Variants in INSR observed in about 807,000 individuals in gnomAD.
INSR encodes the protein IR.
INSR carries 67 observed loss-of-function variants against 142.6 expected under a neutral mutation model. The observed-to-expected ratio is 0.47, with a 90% CI of 0.39 to 0.58. The LOEUF is 0.58. Among genes scored for constraint, INSR ranks in the 20% least tolerant of loss-of-function variants. The pLI, the probability that INSR is intolerant of heterozygous loss-of-function variation, is 0.00. For synonymous variants in INSR, 756 were observed against 743.1 expected, an observed-to-expected ratio of 1.02 and a Z score of -0.28; for missense variants, 1,248 against 1,833.2, an observed-to-expected ratio of 0.68 and a Z score of 5.83.
intron 2 of INSR, among the ~76,000 whole-genome samples, chr19:7,211,421 C>T (rs945657416): frequency 6.6e-6 from 1 of 152,156 alleles, no homozygotes; most frequent in Non-Finnish European, 1.5e-5. Flanking sequence ...TGTCATCCCA[C>T]TGCCAGTACA....
chr19:7,187,760 A>G (rs1974468058), intron 2 of INSR, among the ~76,000 whole-genome samples: 1 of 151,856 alleles, frequency 6.6e-6, no homozygotes, highest in African/African-American at 2.4e-5. Context: ...TTTTGTAGAA[A>G]TGGGGTCTCA....
In INSR at chr19:7,249,316, C is replaced by T. The variant is rs143112419; in HGVS notation, c.652+18029G>A. Among the ~76,000 whole-genome samples, 111 of 152,152 alleles carry T rather than the reference C, an allele frequency of 7.3e-4. 1 individual carries two copies. The highest frequency in any genetic ancestry group is 2.5e-3 in the African/African-American group (102 of 41,534). On this transcript the variant is annotated intron_variant, in intron 2 of 21. Coordinates refer to ENST00000302850, the MANE Select transcript of INSR (RefSeq NM_000208.4). ...GTAAACCTCTTGCTTTTTTTCTCAC[C>T]CCAGTAAAATTCCTTTGCAAATAAC...
intron 11 of INSR, among the ~76,000 whole-genome samples, chr19:7,147,417 C>T (rs1157105068): frequency 3.3e-5 from 5 of 152,012 alleles, no homozygotes; most frequent in East Asian, 1.9e-4. Context: ...TCAGGTGATC[C>T]GCCTGCCTGG....
chr19:7,183,125 A>G (rs1286858543), intron 3 of INSR, among the ~76,000 whole-genome samples: 1 of 152,058 alleles, frequency 6.6e-6, no homozygotes, highest in Non-Finnish European at 1.5e-5. Context: ...CTCTCCACCC[A>G]GGGAAATACA....
At chr19:7,137,211 G>A (rs1972951046) in intron 13 of INSR, among the ~76,000 whole-genome samples, 1 of 151,668 alleles carries the variant, frequency 6.6e-6, no homozygotes, top group South Asian at 2.1e-4. Context: ...TCTAGCATGT[G>A]GTGGGAGTGA....
Position 7,212,787 on chromosome 19 carries a change from A to G in INSR, c.653-28150T>C, listed in dbSNP as rs188342541. ...TTTTTAGTAAAGACGGGGCTTCACC[A>G]TGTTGGCCAGGCTGGTCTCGAACTC... On this transcript the variant is annotated intron_variant, in intron 2 of 21. Coordinates refer to ENST00000302850, the MANE Select transcript of INSR (RefSeq NM_000208.4). Among the ~76,000 whole-genome samples the G allele has an allele frequency of 2.5e-3, 374 of 151,774 alleles. 1 individual carries two copies. Among genetic ancestry groups the G allele is most frequent in the Non-Finnish European group, 4.0e-3 (274 of 67,940 alleles).
chr19:7,211,497 G>T (rs979115789), intron 2 of INSR, among the ~76,000 whole-genome samples: 1 of 152,188 alleles, frequency 6.6e-6, no homozygotes, highest in African/African-American at 2.4e-5. Flanking sequence ...AAAAGGACGT[G>T]CATTCCACCA....
At chr19:7,262,170 C>T (rs1489045176) in intron 2 of INSR, among the ~76,000 whole-genome samples, 1 of 152,068 alleles carries the variant, frequency 6.6e-6, no homozygotes, top group Non-Finnish European at 1.5e-5. Flanking sequence ...TCCCATCAGA[C>T]ATCAAATAAG....
chr19:7,287,230 G>T (rs1968367858), intron 1 of INSR, among the ~76,000 whole-genome samples: 3 of 150,316 alleles, frequency 2.0e-5, no homozygotes, highest in Non-Finnish European at 4.4e-5. Flanking sequence ...CGCAATCTCG[G>T]CTCACTGCAA....
Position 7,234,595 on chromosome 19 carries a change from G to A in INSR, c.652+32750C>T, listed in dbSNP as rs368868883. Among the ~76,000 whole-genome samples, 17 of 152,266 alleles carry A rather than the reference G, an allele frequency of 1.1e-4. 1 individual carries two copies. The South Asian group carries it at 2.7e-3, about 24-fold the overall frequency. On this transcript the variant is annotated intron_variant, in intron 2 of 21. Transcript: ENST00000302850. ...TGTCAGGGACTGGATCCCCAGGGGG[G>A]TTTTGGAATCATTGAAGATACCAAG...
chr19:7,204,853 G>A (rs1975064578), intron 2 of INSR, among the ~76,000 whole-genome samples: 1 of 152,214 alleles, frequency 6.6e-6, no homozygotes, highest in Non-Finnish European at 1.5e-5. Flanking sequence ...GGCCGAGGCG[G>A]GCAGAGCACT....
At chr19:7,188,050 C>T (rs1386200436) in intron 2 of INSR, among the ~76,000 whole-genome samples, 2 of 152,126 alleles carry the variant, frequency 1.3e-5, no homozygotes, top group Non-Finnish European at 2.9e-5. Context: ...CACCCAGGCT[C>T]AGCCCTACCT....
At chr19:7,249,002 G>A (rs12459713) in intron 2 of INSR, among the ~76,000 whole-genome samples, 1,928 of 151,972 alleles carry the variant, frequency 0.013, 110 homozygotes, top group Admixed American at 0.093. Context: ...CAGATGATCC[G>A]CCCACCTCGG....
At chr19:7,261,812 T>G (rs573206452) in intron 2 of INSR, among the ~76,000 whole-genome samples, 3 of 152,270 alleles carry the variant, frequency 2.0e-5, no homozygotes, top group Admixed American at 1.3e-4. Context: ...ATTACAGGTG[T>G]GGGGCCTCCA....
chr19:7,264,860 C>T (rs1217208225), intron 2 of INSR, among the ~76,000 whole-genome samples: 2 of 152,228 alleles, frequency 1.3e-5, no homozygotes, highest in African/African-American at 4.8e-5. Context: ...TTTCAACTAT[C>T]CCACTCCCGA....
intron 14 of INSR, among the ~76,000 whole-genome samples, chr19:7,129,621 G>A (rs559744920): frequency 1.1e-4 from 16 of 152,246 alleles, no homozygotes; most frequent in African/African-American, 3.6e-4. Flanking sequence ...CAACGTGCCC[G>A]GCCAAATTCT....
intron 13 of INSR, among the ~76,000 whole-genome samples, chr19:7,135,304 CTTTTT>C (rs34080394): frequency 4.5e-4 from 27 of 60,034 alleles, no homozygotes; most frequent in African/African-American, 2.1e-3. Context: ...AATGCATCTT[CTTTTT>C]TTTTTTTTTT....
chr19:7,113,573 G>T lies in INSR; in HGVS notation c.*3483C>A, dbSNP rs1356813767. On this transcript the variant is annotated 3_prime_UTR_variant, in exon 22 of 22. Transcript: ENST00000302850. ...CCTGTGTGGCTTTCACTACATTAAT[G>T]AAAAGGGTTTTAATCATAGTGAGAC... is the stretch of plus-strand genomic sequence containing the variant. 6.6e-6 allele frequency: 1 copy of T among 152,176 alleles called. No homozygotes were observed. The highest frequency in any genetic ancestry group is 2.4e-5 in the African/African-American group (1 of 41,448). The allele number at this position is 152,176 out of a possible 1,614,324, so 9.4% of individuals were successfully genotyped here.
intron 9 of INSR, among the ~76,000 whole-genome samples, chr19:7,156,782 CTTTTTT>C (rs746400499): frequency 1.1e-3 from 71 of 63,224 alleles, no homozygotes; most frequent in Middle Eastern, 9.4e-3. Context: ...CTATTTCTCT[CTTTTTT>C]TTTTTTTTTT....
Sources: allele counts gnomAD v4.1 joint callset (sites outside exome capture counted in the v4.1 genomes callset), GRCh38; gene constraint gnomAD v4.1.1; transcripts MANE v1.5; gene names NCBI Gene and HGNC (gene_info 2026-07-23, HGNC 2026-07-21).